The following FGD2 variants were observed in gnomAD, a reference collection of about 807,000 sequenced individuals.
The protein encoded by FGD2 is FYVE, RhoGEF and PH domain containing 2.
FGD2 carries 52 observed loss-of-function variants against 75.9 expected under a neutral mutation model. The ratio of observed to expected loss-of-function variants is 0.69; its 90% CI spans 0.55 to 0.86. FGD2 has a LOEUF of 0.86. Among genes scored for constraint, FGD2 ranks in the 40% least tolerant of loss-of-function variants. The probability of loss-of-function intolerance (pLI) is 0.00; values close to 1 mark genes in which losing one functional copy is unlikely to be tolerated. For missense variants in FGD2, 790 were observed against 872.0 expected, an observed-to-expected ratio of 0.91 and a Z score of 1.18; for synonymous variants, 347 against 348.6, an observed-to-expected ratio of 1.00 and a Z score of 0.05.
At chr6:37,011,564 TTTTCCCGGG>T (rs1765005212) in intron 3 of FGD2, 133 bp from the exon 4 acceptor site, 1 of 1,165,562 alleles carries the variant, frequency 8.6e-7, no homozygotes, top group Non-Finnish European at 1.2e-6. Context: ...CCCTGCCTTC[TTTTCCCGGG>T]GTTGCTGTGA....
rs576101541 is a variant in FGD2, at chr6:37,009,318, A to G, written c.300+253A>G. 594 of 447,254 alleles carry G rather than the reference A, an allele frequency of 1.3e-3. 1 individual carries two copies. The highest frequency in any genetic ancestry group is 2.1e-3 in the Non-Finnish European group (527 of 247,858). 27.7% of individuals were successfully genotyped at this position (447,254 alleles called of 1,614,324 possible). On this transcript the variant is annotated intron_variant, in intron 2 of 15. Transcript: ENST00000274963. Reference sequence around the variant, plus strand: ...TTTTTGGACAAGGAAGTTGAAACACAGTTTTAAGGAACTTATTCAAGGCCA... The same window carrying G: ...TTTTTGGACAAGGAAGTTGAAACACGGTTTTAAGGAACTTATTCAAGGCCA...
chr6:37,019,838 T>G (rs1276128617), intron 9 of FGD2, among the ~76,000 whole-genome samples: 1 of 111,432 alleles, frequency 9.0e-6, no homozygotes, highest in Non-Finnish European at 1.8e-5. Flanking sequence ...TATTTTCTTC[T>G]TCTTTTCTTT....
rs773472376 is a variant in FGD2, at chr6:37,027,528, A to T, written c.1705A>T (p.Ile569Phe). 6.2e-7 allele frequency: 1 copy of T among 1,614,062 alleles called. No homozygotes were observed. Among genetic ancestry groups the T allele is most frequent in the Admixed American group, 1.7e-5 (1 of 60,020 alleles). The change falls in exon 15 of 16, where the codon ATC becomes TTC. Residue 569 changes from isoleucine (I) to phenylalanine (F), a missense_variant. By Grantham distance (21) the Ile-to-Phe change is conservative. Transcript: ENST00000274963. ...GKSGPRGWCVIPRDDPLVLYV... is the reference protein window; with the variant it reads ...GKSGPRGWCVFPRDDPLVLYV... ...GAGCGGCCCCCGGGGCTGGTGTGTG[A>T]TCCCTCGGGATGACCCCCTCGTGCT...
At chr6:37,015,972 G>T in intron 9 of FGD2, 112 bp downstream of exon 9, 1 of 974,300 alleles carries the variant, frequency 1.0e-6, no homozygotes, top group Non-Finnish European at 1.5e-6. Flanking sequence ...CCCTTGCAGG[G>T]CCTGGGCAAA....
chr6:37,020,887 C>CATGTGT, intron 11 of FGD2, 148 bp downstream of exon 11: 1 of 697,312 alleles, frequency 1.4e-6, no homozygotes, highest in Non-Finnish European at 2.1e-6. Flanking sequence ...TGTATGTATG[C>CATGTGT]ATGTGTGTGT....
rs773286734 is a variant in FGD2, at chr6:37,010,956, C to G, written c.301-17C>G. On this transcript the variant is annotated splice_polypyrimidine_tract_variant and intron_variant, in intron 2 of 15. Coordinates refer to ENST00000274963, the MANE Select transcript of FGD2 (RefSeq NM_173558.4). ...CTTCCCCCTTTTTCTCCTTCTCTCC[C>G]CTCCAATCCTCCGCAGGAGCCAGAG... The G allele has an allele frequency of 4.3e-6, 7 of 1,613,492 alleles. No homozygotes were observed. The highest frequency in any genetic ancestry group is 5.9e-6 in the Non-Finnish European group (7 of 1,179,452).
chr6:37,006,869 C>T (rs2150765515), intron 1 of FGD2, among the ~76,000 whole-genome samples: 1 of 152,118 alleles, frequency 6.6e-6, no homozygotes, highest in Non-Finnish European at 1.5e-5. Context: ...TCAGCCTGTC[C>T]CAGGGAGCTC....
chr6:37,018,103 C>T (rs1341682231), intron 9 of FGD2, among the ~76,000 whole-genome samples: 4 of 152,112 alleles, frequency 2.6e-5, no homozygotes, highest in African/African-American at 9.7e-5. Flanking sequence ...GAAATGGAGA[C>T]GGGTGGCCCT....
chr6:37,012,711 TAA>T (rs376918197), intron 4 of FGD2, among the ~76,000 whole-genome samples: 37 of 127,188 alleles, frequency 2.9e-4, no homozygotes, highest in Admixed American at 3.2e-4. Flanking sequence ...GACCCTGACT[TAA>T]AAAAAAAAAA....
intron 13 of FGD2, 44 bp from the exon 14 acceptor site, chr6:37,025,748 G>T (rs370206121): frequency 2.1e-5 from 34 of 1,609,766 alleles, no homozygotes; most frequent in Non-Finnish European, 2.5e-5. Flanking sequence ...CCAGCCCTCC[G>T]GTGCCTGGTC....
At chr6:37,010,200 G>T (rs1038049852) in intron 2 of FGD2, among the ~76,000 whole-genome samples, 1 of 152,094 alleles carries the variant, frequency 6.6e-6, no homozygotes, top group Non-Finnish European at 1.5e-5. Context: ...TTCTCACAGT[G>T]CTGGAGGCTG....
At position 37,028,041 on chromosome 6, in the gene FGD2, G is replaced by A. The variant is rs754690941; in HGVS notation, c.1846G>A (p.Gly616Ser). ...TCGGGTCTTCCAGCTACAGCAGTCA[G>A]GCCAGCTCTACACCTTCAAGGCCGA... is the stretch of plus-strand genomic sequence containing the variant. Reference protein sequence around the residue: ...DPRVFQLQQSGQLYTFKAETE... With the variant: ...DPRVFQLQQSSQLYTFKAETE... The change falls in exon 16 of 16, where the codon GGC becomes AGC. Residue 616 changes from glycine (G) to serine (S), a missense_variant. Coordinates refer to ENST00000274963, the MANE Select transcript of FGD2 (RefSeq NM_173558.4). 3.1e-6 allele frequency: 5 copies of A among 1,613,416 alleles called. No homozygotes were observed. The Admixed American group carries it at 8.3e-5, about 27-fold the overall frequency.
In FGD2 at chr6:37,011,035, C is replaced by T. The variant is rs1237665560; in HGVS notation, c.363C>T (p.Leu121=). 6.2e-7 allele frequency: 1 copy of T among 1,614,032 alleles called. No homozygotes were observed. The highest frequency in any genetic ancestry group is 8.5e-7 in the Non-Finnish European group (1 of 1,180,018). ...LETEQAYVAR[L]HLLDQVFFQE... ...CAGAGCAGGCCTATGTGGCGCGCCT[C>T]CACCTGCTAGACCAGGCCAGTGACC... Residue 121 remains leucine (L), a synonymous_variant, in exon 3 of 16, where the codon CTC becomes CTT. Transcript: ENST00000274963.
Position 37,025,970 on chromosome 6 carries a change from G to A in FGD2, c.1605+32G>A, listed in dbSNP as rs558865687. ...GCCACTGTCCCCGCGCTCACCATCCGTCCTCTGTTCAGGGAATGTGTGCCC... is the reference window on the plus strand; with the variant it reads ...GCCACTGTCCCCGCGCTCACCATCCATCCTCTGTTCAGGGAATGTGTGCCC... On this transcript the variant is annotated intron_variant, in intron 14 of 15. Coordinates refer to ENST00000274963, the MANE Select transcript of FGD2 (RefSeq NM_173558.4). 3.8e-5 allele frequency: 61 copies of A among 1,611,262 alleles called. 1 individual carries two copies. The South Asian group carries it at 4.0e-4, about 10-fold the overall frequency.
chr6:37,020,929 T>A (rs1305254829), intron 11 of FGD2, among the ~76,000 whole-genome samples, 190 bp downstream of exon 11: 2 of 150,864 alleles, frequency 1.3e-5, no homozygotes, highest in Non-Finnish European at 3.0e-5. Flanking sequence ...TGTATGCATG[T>A]GTGTGCATCT....
rs708016 is a variant in FGD2, at chr6:37,029,064, A to G, written c.*901A>G. 0.98 allele frequency: 149,097 copies of G among 152,078 alleles called. 73,113 individuals are homozygous for G. Among genetic ancestry groups the G allele is most frequent in the Middle Eastern group, 1 (294 of 294 alleles). The allele number at this position is 152,078 out of a possible 1,614,324, so 9.4% of individuals were successfully genotyped here. A position where few individuals can be genotyped will look rare whatever the true frequency, so the allele number is the denominator to read the frequency against. ...AATAATAATAATAAACATCTATTGG[A>G]CCAGGCTCTGTGCAAGGTGTTTTAT... On this transcript the variant is annotated 3_prime_UTR_variant, in exon 16 of 16. Coordinates refer to ENST00000274963, the MANE Select transcript of FGD2 (RefSeq NM_173558.4).
At chr6:37,014,816 G>A (rs554814685) in intron 7 of FGD2, 76 bp from the exon 8 acceptor site, 90 of 1,608,414 alleles carry the variant, frequency 5.6e-5, no homozygotes, top group African/African-American at 5.2e-4. Context: ...CCCAGTCCCC[G>A]TCCCCACAAG....
At position 37,013,629 on chromosome 6, in the gene FGD2, G is replaced by A; in HGVS notation, c.548G>A (p.Gly183Asp). 2.5e-6 allele frequency: 4 copies of A among 1,614,016 alleles called. No individual in the cohort carries two copies. Among genetic ancestry groups the A allele is most frequent in the Non-Finnish European group, 3.4e-6 (4 of 1,179,938 alleles). ...TGCAGGACAGCTAACCCCCGCATCG[G>A]TGACGTGATCCAGAAGCTGGCCCCC... ...LDDWTANPRIGDVIQKLAPFL... is the reference protein window; with the variant it reads ...LDDWTANPRIDDVIQKLAPFL... Residue 183 changes from glycine to aspartate, a missense_variant, in exon 5 of 16, where the codon GGT becomes GAT. Coordinates refer to ENST00000274963, the MANE Select transcript of FGD2 (RefSeq NM_173558.4).
Position 37,005,685 on chromosome 6 carries a change from C to A in FGD2, c.-133C>A. The A allele has an allele frequency of 1.1e-6, 1 of 946,474 alleles. No homozygotes were observed. Among genetic ancestry groups the A allele is most frequent in the Non-Finnish European group, 1.6e-6 (1 of 608,294 alleles). The allele number at this position is 946,474 out of a possible 1,614,324, so 58.6% of individuals were successfully genotyped here. On this transcript the variant is annotated 5_prime_UTR_variant, in exon 1 of 16. Coordinates refer to ENST00000274963, the MANE Select transcript of FGD2 (RefSeq NM_173558.4). ...GAAGCCAAGAGCCGACCTTCTGAGC[C>A]CTCAAGAAAGATCAGAACAGATTCA...
Sources: gnomAD v4.1 joint callset for allele counts (sites outside exome capture counted in the v4.1 genomes callset) on GRCh38, gnomAD v4.1.1 for gene constraint, MANE v1.5 for transcripts, NCBI Gene and HGNC (gene_info 2026-07-23, HGNC 2026-07-21) for gene names.